Variants in SCLT1 observed in about 807,000 individuals in gnomAD.
SCLT1 encodes sodium channel-associated protein 1.
A neutral mutation model predicts 112.8 loss-of-function variants in SCLT1; 78 were observed. That is an observed-to-expected ratio of 0.69 (90% CI 0.58 to 0.83). The LOEUF is 0.83. SCLT1 is among the 40% of genes least tolerant of loss of function. SCLT1 has a pLI of 0.00. For missense variants in SCLT1, 747 were observed against 770.4 expected (o/e 0.97, Z 0.36); for synonymous variants, 257 against 254.7 (o/e 1.01, Z -0.09).
intron 9 of SCLT1, among the ~76,000 whole-genome samples, chr4:128,981,596 G>A (rs1318756160): frequency 1.3e-5 from 2 of 151,972 alleles, no homozygotes; most frequent in African/African-American, 4.8e-5. Context: ...ACAGCTTCGA[G>A]TCCCTACAAT....
chr4:128,947,858 T>C (rs1738314131), intron 15 of SCLT1, among the ~76,000 whole-genome samples: 2 of 152,186 alleles, frequency 1.3e-5, no homozygotes, highest in African/African-American at 4.8e-5. Context: ...TCTGGTTATA[T>C]ATACTTGTTT....
chr4:128,906,234 G>C (rs1375871657), intron 18 of SCLT1, among the ~76,000 whole-genome samples: 1 of 152,088 alleles, frequency 6.6e-6, no homozygotes, highest in East Asian at 1.9e-4. Flanking sequence ...GTCTCGCTCT[G>C]TCGCCCAGGC....
Position 128,946,077 on chromosome 4 carries a change from C to T in SCLT1, c.1369G>A (p.Glu457Lys). The change falls in exon 16 of 21, where the codon GAG becomes AAG. Residue 457 changes from glutamate to lysine, a missense_variant. Glu to Lys is a moderately conservative substitution (Grantham distance 56). Transcript: ENST00000281142. Reference protein sequence around the residue: ...EEMHQRFLVSERSKDDLQLRL... With the variant: ...EEMHQRFLVSKRSKDDLQLRL... ...AGCTGAAGATCATCTTTTGAACGCT[C>T]TGAAACCAGGAATCTTTGGTGCATT... 1 of 1,609,930 alleles carries T rather than the reference C, an allele frequency of 6.2e-7. No homozygotes were observed. The highest frequency in any genetic ancestry group is 8.5e-7 in the Non-Finnish European group (1 of 1,176,464).
chr4:128,937,277 CAAA>C (rs33922032), intron 17 of SCLT1, among the ~76,000 whole-genome samples: 24 of 113,300 alleles, frequency 2.1e-4, no homozygotes, highest in Non-Finnish European at 2.3e-4. Flanking sequence ...GACTCTGTCT[CAAA>C]AAAAAAAAAA....
chr4:128,913,195 T>C (rs1349918674), intron 18 of SCLT1, among the ~76,000 whole-genome samples: 1 of 152,226 alleles, frequency 6.6e-6, no homozygotes, highest in East Asian at 1.9e-4. Flanking sequence ...AACAATTCTT[T>C]GTATTTAACT....
chr4:128,885,674 G>A (rs1479809100), intron 20 of SCLT1, among the ~76,000 whole-genome samples: 1 of 152,132 alleles, frequency 6.6e-6, no homozygotes, highest in East Asian at 1.9e-4. Context: ...AATGTTTCCA[G>A]GTGCAAGTGT....
chr4:128,975,586 C>G (rs1255231348), intron 9 of SCLT1, among the ~76,000 whole-genome samples: 2 of 152,014 alleles, frequency 1.3e-5, no homozygotes, highest in Non-Finnish European at 2.9e-5. Flanking sequence ...TTTTTGCATA[C>G]AGTGAAAAAT....
intron 2 of SCLT1, among the ~76,000 whole-genome samples, chr4:129,047,447 T>C (rs1269043456): frequency 6.6e-6 from 1 of 152,110 alleles, no homozygotes; most frequent in Non-Finnish European, 1.5e-5. Context: ...TAAGACCTGG[T>C]AGTATCTGTT....
At chr4:128,996,192 T>C (rs982498474) in intron 8 of SCLT1, among the ~76,000 whole-genome samples, 1 of 152,082 alleles carries the variant, frequency 6.6e-6, no homozygotes, top group Non-Finnish European at 1.5e-5. Flanking sequence ...TTGGTGAGTC[T>C]GGTTTTCCAA....
rs548751807 is a variant in SCLT1, at chr4:129,021,966, A to G, written c.290+17075T>C. Among the ~76,000 whole-genome samples, 12 of 152,264 alleles carry G rather than the reference A, an allele frequency of 7.9e-5. No homozygotes were observed. In the East Asian group the frequency reaches 2.3e-3, roughly 30 times the overall value. ...ACTCTCTGGGATGGAGCAGGTAGCA[A>G]TTTTTGCTGTTCTGCACCCTCCACT... On this transcript the variant is annotated intron_variant, in intron 5 of 20. Coordinates refer to ENST00000281142, the MANE Select transcript of SCLT1 (RefSeq NM_144643.4).
intron 2 of SCLT1, among the ~76,000 whole-genome samples, chr4:129,049,828 C>A (rs534988501): frequency 6.6e-6 from 1 of 151,800 alleles, no homozygotes; most frequent in Admixed American, 6.6e-5. Flanking sequence ...ACCTATCAAC[C>A]CATCATCTAG....
At chr4:128,896,184 G>A (rs1451346846) in intron 18 of SCLT1, among the ~76,000 whole-genome samples, 3 of 152,222 alleles carry the variant, frequency 2.0e-5, no homozygotes, top group African/African-American at 7.2e-5. Context: ...GCTTTGAAGA[G>A]AGTAGTGGTT....
intron 9 of SCLT1, among the ~76,000 whole-genome samples, chr4:128,991,193 A>ACTACAAAT (rs1466246730): frequency 2.0e-5 from 3 of 152,040 alleles, no homozygotes; most frequent in Admixed American, 1.3e-4. Flanking sequence ...ACAAATGTAT[A>ACTACAAAT]GTAACCAAAA....
intron 18 of SCLT1, among the ~76,000 whole-genome samples, chr4:128,914,104 G>A (rs1245355792): frequency 6.6e-6 from 1 of 152,098 alleles, no homozygotes; most frequent in Non-Finnish European, 1.5e-5. Context: ...GGTGGCTCAC[G>A]CCTGTAATCC....
chr4:128,907,769 G>T (rs924960525), intron 18 of SCLT1, among the ~76,000 whole-genome samples: 5 of 152,070 alleles, frequency 3.3e-5, no homozygotes, highest in African/African-American at 4.8e-5. Context: ...CACACTAATT[G>T]TATTTTAATT....
At chr4:129,056,104 A>G (rs1299436604) in intron 2 of SCLT1, among the ~76,000 whole-genome samples, 1 of 151,962 alleles carries the variant, frequency 6.6e-6, no homozygotes, top group East Asian at 1.9e-4. Context: ...CTCACTCTCC[A>G]TGGTCTGCAA....
At chr4:128,945,889 T>C (rs1198164902) in intron 16 of SCLT1, 118 bp downstream of exon 16, 2 of 548,530 alleles carry the variant, frequency 3.6e-6, no homozygotes, top group Admixed American at 3.7e-5. Context: ...TCCTAATTGT[T>C]TTTTTCAACA....
intron 19 of SCLT1, among the ~76,000 whole-genome samples, chr4:128,890,820 C>T (rs1257351277): frequency 6.6e-6 from 1 of 152,132 alleles, no homozygotes; most frequent in East Asian, 1.9e-4. Flanking sequence ...AAATACTACA[C>T]AAGTTCTATT....
chr4:128,901,374 A>G (rs1029294465), intron 18 of SCLT1, among the ~76,000 whole-genome samples: 1 of 152,182 alleles, frequency 6.6e-6, no homozygotes, highest in Non-Finnish European at 1.5e-5. Context: ...CTTTGTAGGG[A>G]CATGGATGAA....
Sources: allele counts gnomAD v4.1 joint callset (sites outside exome capture counted in the v4.1 genomes callset), GRCh38; gene constraint gnomAD v4.1.1; transcripts MANE v1.5; gene names NCBI Gene and HGNC (gene_info 2026-07-23, HGNC 2026-07-21).